SENP7: variants seen among roughly 807,000 people sequenced by gnomAD.
SENP7 encodes the protein SUMO specific peptidase 7.
A neutral mutation model predicts 141.2 loss-of-function variants in SENP7; 64 were observed. The ratio of observed to expected loss-of-function variants is 0.45; its 90% CI spans 0.37 to 0.56. The LOEUF is 0.56. Among genes scored for constraint, SENP7 ranks in the 20% least tolerant of loss-of-function variants. The pLI, the probability that SENP7 is intolerant of heterozygous loss-of-function variation, is 0.00. For missense variants in SENP7, 1,025 were observed against 1,212.2 expected, an observed-to-expected ratio of 0.85 and a Z score of 2.29; for synonymous variants, 382 against 426.4, an observed-to-expected ratio of 0.90 and a Z score of 1.28.
intron 3 of SENP7, among the ~76,000 whole-genome samples, chr3:101,466,163 A>G (rs2063751648): frequency 6.6e-6 from 1 of 152,200 alleles, no homozygotes; most frequent in African/African-American, 2.4e-5. Flanking sequence ...TATTCAAATT[A>G]TGGGAGTTTC....
chr3:101,344,766 G>A (rs535813796), intron 13 of SENP7, among the ~76,000 whole-genome samples: 62 of 152,138 alleles, frequency 4.1e-4, no homozygotes, highest in African/African-American at 1.5e-3. Context: ...ACTAAAGACT[G>A]AAGGCAAAGA....
intron 1 of SENP7, among the ~76,000 whole-genome samples, chr3:101,511,085 G>A (rs72946006): frequency 0.011 from 1,733 of 152,276 alleles, 26 homozygotes; most frequent in African/African-American, 0.038. Context: ...GGTAACATTA[G>A]ATTTGGGTAT....
chr3:101,509,790 A>G (rs1435100422), intron 1 of SENP7, among the ~76,000 whole-genome samples: 1 of 152,204 alleles, frequency 6.6e-6, no homozygotes, highest in African/African-American at 2.4e-5. Context: ...AAAACTATAG[A>G]TTTTGTAATT....
At chr3:101,337,123 C>A (rs1380629113) in intron 17 of SENP7, 3 of 153,378 alleles carry the variant, frequency 2.0e-5, no homozygotes, top group Non-Finnish European at 4.4e-5. Context: ...GGAAGCAGTA[C>A]CTCCAGATGA....
intron 4 of SENP7, among the ~76,000 whole-genome samples, chr3:101,442,478 G>A (rs1167255650): frequency 6.6e-6 from 1 of 152,094 alleles, no homozygotes; most frequent in Non-Finnish European, 1.5e-5. Context: ...CTGACAGGAG[G>A]CAGAGCTAAG....
intron 5 of SENP7, among the ~76,000 whole-genome samples, chr3:101,409,045 C>T (rs1259669335): frequency 1.3e-5 from 2 of 152,140 alleles, no homozygotes; most frequent in Non-Finnish European, 2.9e-5. Context: ...AGGACTCCTC[C>T]AGAAAACTCC....
rs563281627 is a variant in SENP7, at chr3:101,390,219, C to CAAAAA, written c.677+8637_677+8641dup. On this transcript the variant is annotated intron_variant, in intron 6 of 23. Coordinates refer to ENST00000394095, the MANE Select transcript of SENP7 (RefSeq NM_020654.5). ...TGGGCAACAGAGCGAGACTCTGTCT[C>CAAAAA]AAAAAAAAAAAAAAAAAAAAAAAAC... 9.5e-5 allele frequency among the ~76,000 whole-genome samples: 7 copies of CAAAAA among 73,824 alleles called. 1 individual carries two copies. The highest frequency in any genetic ancestry group is 1.1e-3 in the South Asian group (2 of 1,796). 48.4% of individuals were successfully genotyped at this position (73,824 alleles called of 152,430 possible).
At chr3:101,400,199 A>C (rs1334333809) in intron 5 of SENP7, among the ~76,000 whole-genome samples, 3 of 152,208 alleles carry the variant, frequency 2.0e-5, no homozygotes, top group African/African-American at 7.2e-5. Flanking sequence ...CTGTTATGTA[A>C]TTTTAAAGTT....
chr3:101,366,350 A>C, intron 9 of SENP7, 80 bp downstream of exon 9: 1 of 1,107,560 alleles, frequency 9.0e-7, no homozygotes, highest in Non-Finnish European at 1.3e-6. Context: ...GGCCTTAGCC[A>C]AATTTGTTCA....
chr3:101,468,952 G>C (rs1187339461), intron 3 of SENP7, among the ~76,000 whole-genome samples: 1 of 152,158 alleles, frequency 6.6e-6, no homozygotes, highest in Non-Finnish European at 1.5e-5. Flanking sequence ...CCATTAGTGT[G>C]CTGTATTCAG....
intron 9 of SENP7, among the ~76,000 whole-genome samples, chr3:101,365,636 A>G (rs2060019175): frequency 1.0e-5 from 1 of 96,712 alleles, no homozygotes; most frequent in South Asian, 3.2e-4. Context: ...CTCTGTCTCA[A>G]AAAAAAAAAA....
At chr3:101,428,342 A>G (rs531344916) in intron 4 of SENP7, among the ~76,000 whole-genome samples, 1 of 152,280 alleles carries the variant, frequency 6.6e-6, no homozygotes, top group Non-Finnish European at 1.5e-5. Context: ...ATTTCTCCAT[A>G]TCCTCTCCAG....
At position 101,428,130 on chromosome 3, in the gene SENP7, T is replaced by C. The variant is rs2062027004; in HGVS notation, c.285-10340A>G. On this transcript the variant is annotated intron_variant, in intron 4 of 23. Coordinates refer to ENST00000394095, the MANE Select transcript of SENP7 (RefSeq NM_020654.5). ...ATTCGGGTTGGTTCCAAGACTTTAT[T>C]ATTATGAATAGTGCTGCAATAAACA... 2.0e-5 allele frequency among the ~76,000 whole-genome samples: 3 copies of C among 152,248 alleles called. No homozygotes were observed. The South Asian group carries it at 6.2e-4, about 32-fold the overall frequency.
intron 6 of SENP7, among the ~76,000 whole-genome samples, chr3:101,392,154 G>A (rs2060834937): frequency 6.6e-6 from 1 of 152,092 alleles, no homozygotes; most frequent in Non-Finnish European, 1.5e-5. Flanking sequence ...CAAAGAACTG[G>A]AACAAGACAA....
At chr3:101,436,856 G>A (rs1559822398) in intron 4 of SENP7, among the ~76,000 whole-genome samples, 1 of 152,172 alleles carries the variant, frequency 6.6e-6, no homozygotes, top group Non-Finnish European at 1.5e-5. Flanking sequence ...AACCACTATG[G>A]AAAACACGTT....
chr3:101,454,094 G>A (rs992599235), intron 4 of SENP7, among the ~76,000 whole-genome samples: 12 of 152,132 alleles, frequency 7.9e-5, no homozygotes, highest in Admixed American at 3.9e-4. Flanking sequence ...CATTGCTGGT[G>A]GGAATGCAAA....
intron 4 of SENP7, among the ~76,000 whole-genome samples, chr3:101,446,026 G>A (rs2062877526): frequency 1.3e-5 from 2 of 152,132 alleles, no homozygotes; most frequent in South Asian, 2.1e-4. Flanking sequence ...GTTGGAAGAG[G>A]GGCCTTATGG....
intron 5 of SENP7, among the ~76,000 whole-genome samples, chr3:101,415,143 G>C (rs202211269): frequency 0.14 from 16,258 of 119,716 alleles, no homozygotes; most frequent in East Asian, 0.17. Flanking sequence ...TTGTTTTCTT[G>C]GTTTTGTGTA....
rs557766404 is a variant in SENP7, at chr3:101,372,945, T to C, written c.678-819A>G. Among the ~76,000 whole-genome samples, 193 of 152,134 alleles carry C rather than the reference T, an allele frequency of 1.3e-3. 3 individuals carry two copies. Among genetic ancestry groups the C allele is most frequent in the African/African-American group, 4.2e-3 (174 of 41,570 alleles). On this transcript the variant is annotated intron_variant, in intron 6 of 23. Transcript: ENST00000394095. ...TATACTTATGTACATATTTGAAGTA[T>C]TTCATAATTTTAAAATATATAAATT...
Sources: allele counts gnomAD v4.1 joint callset (sites outside exome capture counted in the v4.1 genomes callset), GRCh38; gene constraint gnomAD v4.1.1; transcripts MANE v1.5; gene names NCBI Gene and HGNC (gene_info 2026-07-23, HGNC 2026-07-21).